Variants in HECW2 observed in about 807,000 individuals in gnomAD.
HECW2 encodes the protein E3 ubiquitin-protein ligase HECW2.
A neutral mutation model predicts 175.2 loss-of-function variants in HECW2; 61 were observed. That is an observed-to-expected ratio of 0.35 (90% CI 0.28 to 0.43). The LOEUF (loss-of-function observed/expected upper bound fraction) is 0.43, where lower values mean the gene tolerates loss of function less well. Among genes scored for constraint, HECW2 ranks in the 20% least tolerant of loss-of-function variants. The pLI, the probability that HECW2 is intolerant of heterozygous loss-of-function variation, is 1.00. For synonymous variants in HECW2, 671 were observed against 731.0 expected, an observed-to-expected ratio of 0.92 and a Z score of 1.32; for missense variants, 1,524 against 2,000.5, an observed-to-expected ratio of 0.76 and a Z score of 4.54.
intron 2 of HECW2, among the ~76,000 whole-genome samples, chr2:196,400,798 T>C (rs1320909553): frequency 1.3e-5 from 2 of 148,206 alleles, no homozygotes; most frequent in African/African-American, 5.1e-5. Flanking sequence ...TCTGAGCCAC[T>C]AACCCCCATT....
intron 1 of HECW2, among the ~76,000 whole-genome samples, chr2:196,590,925 A>G (rs1414938612): frequency 6.6e-6 from 1 of 152,240 alleles, no homozygotes; most frequent in Non-Finnish European, 1.5e-5. Context: ...GGGGTCAAAC[A>G]TTGCTCATAA....
At chr2:196,410,509 GTTT>G (rs774254131) in intron 2 of HECW2, among the ~76,000 whole-genome samples, 2 of 152,104 alleles carry the variant, frequency 1.3e-5, no homozygotes, top group Non-Finnish European at 2.9e-5. Flanking sequence ...AAAGGGGGGA[GTTT>G]TTTAGGTCAG....
At chr2:196,418,832 T>C (rs1695329636) in intron 2 of HECW2, among the ~76,000 whole-genome samples, 4 of 152,214 alleles carry the variant, frequency 2.6e-5, no homozygotes, top group African/African-American at 7.2e-5. Flanking sequence ...ATCCTGAATA[T>C]AGAGGATATT....
At chr2:196,242,975 G>A (rs1322111759) in intron 19 of HECW2, 1 of 151,976 alleles carries the variant, frequency 6.6e-6, no homozygotes, top group East Asian at 1.9e-4. Flanking sequence ...TTACAGGTGT[G>A]AGCCACCGCA....
intron 1 of HECW2, among the ~76,000 whole-genome samples, chr2:196,585,616 G>A (rs1164341198): frequency 6.6e-6 from 1 of 152,028 alleles, no homozygotes; most frequent in Non-Finnish European, 1.5e-5. Context: ...TACAGAAGAT[G>A]AGCTCTTCTA....
chr2:196,217,076 T>G lies in HECW2; in HGVS notation c.4426A>C (p.Ile1476Leu), dbSNP rs1243260100. The change falls in exon 27 of 29, where the codon ATT becomes CTT. Residue 1476 changes from isoleucine to leucine, a missense_variant. This residue lies in a region of HECW2 where 134 missense variants were observed against 287.8 expected (regional missense o/e 0.47). Transcript: ENST00000644978. ...GCAGCCCAGAACCACCGAATTACAA[T>G]ATGATTGTCATGGTATCCTATCAAA... is the stretch of plus-strand genomic sequence containing the variant. ...EYRGGYHDNH[I>L]VIRWFWAAVE... The G allele has an allele frequency of 6.3e-7, 1 of 1,583,338 alleles. No individual in the cohort carries two copies. Among genetic ancestry groups the G allele is most frequent in the Non-Finnish European group, 8.6e-7 (1 of 1,168,534 alleles).
rs1693672631 is a variant in HECW2, at chr2:196,363,905, T to C, written c.293-20141A>G. 3.9e-5 allele frequency among the ~76,000 whole-genome samples: 6 copies of C among 152,318 alleles called. No individual in the cohort carries two copies. The South Asian group carries it at 1.0e-3, about 26-fold the overall frequency. On this transcript the variant is annotated intron_variant, in intron 2 of 28. Coordinates refer to ENST00000644978, the MANE Select transcript of HECW2 (RefSeq NM_001348768.2). ...TATTTCCTCTTTTTGGCATCAAAGTTGGCTACAGCCTATGGACAACAAATA... is the reference window on the plus strand; with the variant it reads ...TATTTCCTCTTTTTGGCATCAAAGTCGGCTACAGCCTATGGACAACAAATA...
chr2:196,257,689 CA>C (rs1295593324), intron 18 of HECW2, 133 bp downstream of exon 18: 2 of 648,660 alleles, frequency 3.1e-6, no homozygotes, highest in African/African-American at 1.8e-5. Context: ...CCTAAATCTT[CA>C]AAATATTTCC....
chr2:196,299,349 A>T (rs1335142834), intron 13 of HECW2, among the ~76,000 whole-genome samples: 1 of 150,542 alleles, frequency 6.6e-6, no homozygotes, highest in Non-Finnish European at 1.5e-5. Flanking sequence ...AAAAGCCTGT[A>T]AGCTGCTTAG....
At chr2:196,438,770 A>G (rs1452986082) in intron 1 of HECW2, among the ~76,000 whole-genome samples, 1 of 152,270 alleles carries the variant, frequency 6.6e-6, no homozygotes, top group Admixed American at 6.5e-5. Context: ...GAAGACATCC[A>G]GTCCGGGGGT....
intron 14 of HECW2, among the ~76,000 whole-genome samples, chr2:196,286,848 A>G (rs775022188): frequency 6.6e-6 from 1 of 152,250 alleles, no homozygotes; most frequent in Non-Finnish European, 1.5e-5. Flanking sequence ...TTCAAAATGT[A>G]GCACTTATCT....
chr2:196,231,732 T>C (rs933125028), intron 21 of HECW2, among the ~76,000 whole-genome samples: 5 of 152,064 alleles, frequency 3.3e-5, no homozygotes, highest in Admixed American at 2.0e-4. Context: ...CTCACGCCTG[T>C]AATCCCATCA....
At chr2:196,223,823 T>C (rs1223693700) in intron 23 of HECW2, among the ~76,000 whole-genome samples, 1 of 152,170 alleles carries the variant, frequency 6.6e-6, no homozygotes, top group Non-Finnish European at 1.5e-5. Flanking sequence ...AGATAAGGGC[T>C]CTAACTAGGG....
At position 196,271,282 on chromosome 2, in the gene HECW2, A is replaced by G. The variant is rs780689720; in HGVS notation, c.3246T>C (p.Asn1082=). ...GACGTAGAAATGCAACAATCTTGTC[A>G]TTGTAAGCTGAAAAAAAAATCAGAA... ...QYQDMVPVAY[N]DKIVAFLRQP... is the part of the protein sequence containing the mutation. Residue 1082 remains asparagine (N), a synonymous_variant, in exon 17 of 29, where the codon AAT becomes AAC. Transcript: ENST00000644978. The G allele has an allele frequency of 1.3e-6, 2 of 1,598,570 alleles. No individual in the cohort carries two copies. The highest frequency in any genetic ancestry group is 1.7e-6 in the Non-Finnish European group (2 of 1,167,332).
intron 19 of HECW2, among the ~76,000 whole-genome samples, chr2:196,247,634 A>G (rs1362148804): frequency 6.6e-6 from 1 of 152,230 alleles, no homozygotes; most frequent in Non-Finnish European, 1.5e-5. Context: ...AGGCAGGTCT[A>G]AAGAACTTCT....
At chr2:196,311,524 C>T (rs73988153) in intron 10 of HECW2, among the ~76,000 whole-genome samples, 3,720 of 152,176 alleles carry the variant, frequency 0.024, 160 homozygotes, top group African/African-American at 0.085. Flanking sequence ...CGGCCGGGTG[C>T]GGTGGCTCAC....
chr2:196,293,020 T>C (rs1690662612), intron 13 of HECW2, among the ~76,000 whole-genome samples: 1 of 152,166 alleles, frequency 6.6e-6, no homozygotes, highest in Non-Finnish European at 1.5e-5. Context: ...AGTTCTGGGG[T>C]ACATGTGCAA....
chr2:196,220,227 A>G, intron 25 of HECW2, 74 bp from the exon 26 acceptor site: 1 of 960,174 alleles, frequency 1.0e-6, no homozygotes, highest in Non-Finnish European at 1.7e-6. Flanking sequence ...GCCTTAGAAA[A>G]GGGGACACAT....
At chr2:196,578,143 A>G (rs577317862) in intron 1 of HECW2, among the ~76,000 whole-genome samples, 25 of 152,304 alleles carry the variant, frequency 1.6e-4, no homozygotes, top group South Asian at 1.2e-3. Context: ...ATGATGCTTC[A>G]CCAAAGAATA....
Sources: allele counts gnomAD v4.1 joint callset (sites outside exome capture counted in the v4.1 genomes callset), GRCh38; gene constraint gnomAD v4.1.1; regional missense constraint gnomAD v4.1.1; transcripts MANE v1.5; gene names NCBI Gene and HGNC (gene_info 2026-07-23, HGNC 2026-07-21).